Variants in SLC35F1 observed in about 807,000 individuals in gnomAD.
SLC35F1 encodes chromosome 6 open reading frame 169.
SLC35F1 carries 14 observed loss-of-function variants against 48.7 expected under a neutral mutation model. The ratio of observed to expected loss-of-function variants is 0.29; its 90% CI spans 0.19 to 0.45. The LOEUF (loss-of-function observed/expected upper bound fraction) is 0.45, where lower values mean the gene tolerates loss of function less well. Ranked by LOEUF, SLC35F1 falls within the 20% of genes least tolerant of loss-of-function variation. The probability of loss-of-function intolerance (pLI) is 1.00; values close to 1 mark genes in which losing one functional copy is unlikely to be tolerated. For missense variants in SLC35F1, 404 were observed against 500.0 expected, an observed-to-expected ratio of 0.81 and a Z score of 1.83; for synonymous variants, 190 against 202.2, an observed-to-expected ratio of 0.94 and a Z score of 0.51.
chr6:117,941,419 G>C (rs1404804791), intron 1 of SLC35F1, among the ~76,000 whole-genome samples: 1 of 152,074 alleles, frequency 6.6e-6, no homozygotes, highest in African/African-American at 2.4e-5. Flanking sequence ...AGATAGACAG[G>C]CTTACTGAAT....
chr6:117,949,182 A>G (rs1562245905), intron 1 of SLC35F1, among the ~76,000 whole-genome samples: 1 of 152,146 alleles, frequency 6.6e-6, no homozygotes, highest in Non-Finnish European at 1.5e-5. Context: ...ATACTCTGGG[A>G]TGTTCCTTAA....
At position 118,207,646 on chromosome 6, in the gene SLC35F1, T is replaced by C. The variant is rs1774952950; in HGVS notation, c.350-27863T>C. On this transcript the variant is annotated intron_variant, in intron 2 of 7. Coordinates refer to ENST00000360388, the MANE Select transcript of SLC35F1 (RefSeq NM_001029858.4). ...AAGAGGGAGGAAAGTTGAAGGACAATGTCAGCAGACCTTCCCAGGGACCTA... is the reference window on the plus strand; with the variant it reads ...AAGAGGGAGGAAAGTTGAAGGACAACGTCAGCAGACCTTCCCAGGGACCTA... Among the ~76,000 whole-genome samples the C allele has an allele frequency of 4.6e-5, 7 of 152,258 alleles. No individual in the cohort carries two copies. In the South Asian group the frequency reaches 1.4e-3, roughly 32 times the overall value.
chr6:117,961,349 CT>C (rs1776495989), intron 1 of SLC35F1, among the ~76,000 whole-genome samples: 1 of 152,216 alleles, frequency 6.6e-6, no homozygotes, highest in African/African-American at 2.4e-5. Context: ...ACCAAGACCC[CT>C]GGTCATCTCT....
intron 1 of SLC35F1, among the ~76,000 whole-genome samples, chr6:117,975,440 G>T (rs1451728861): frequency 6.6e-6 from 1 of 152,166 alleles, no homozygotes; most frequent in East Asian, 1.9e-4. Flanking sequence ...GAAAAGTCTG[G>T]CAGTGTTGTT....
Position 117,923,651 on chromosome 6 carries a change from G to GTATATA in SLC35F1, c.173+15754_173+15755insTATATA, listed in dbSNP as rs1554216680. 4.0e-4 allele frequency among the ~76,000 whole-genome samples: 7 copies of GTATATA among 17,502 alleles called. 2 individuals carry two copies. Among genetic ancestry groups the GTATATA allele is most frequent in the East Asian group, 4.4e-3 (2 of 456 alleles). 11.5% of individuals were successfully genotyped at this position (17,502 alleles called of 152,430 possible). A position where few individuals can be genotyped will look rare whatever the true frequency, so the allele number is the denominator to read the frequency against. ...TACATATATGTACATATGTACATATGTACATATGTATATATACATATATGT... is the reference window on the plus strand; with the variant it reads ...TACATATATGTACATATGTACATATGTATATATACATATGTATATATACATATATGT... On this transcript the variant is annotated intron_variant, in intron 1 of 7. Coordinates refer to ENST00000360388, the MANE Select transcript of SLC35F1 (RefSeq NM_001029858.4).
chr6:118,309,204 CGT>C (rs925547743), intron 7 of SLC35F1, among the ~76,000 whole-genome samples: 3 of 106,038 alleles, frequency 2.8e-5, no homozygotes, highest in African/African-American at 1.1e-4. Flanking sequence ...TGTGTGTGTG[CGT>C]GTGTGTATTT....
chr6:118,167,230 A>C lies in SLC35F1; in HGVS notation c.349+12610A>C, dbSNP rs11757328. ...GAGTAAAGAGTCCCTGTAACTGCGCAAGAGTACAAATCTGAGTGCCACCCT... is the reference window on the plus strand; with the variant it reads ...GAGTAAAGAGTCCCTGTAACTGCGCCAGAGTACAAATCTGAGTGCCACCCT... On this transcript the variant is annotated intron_variant, in intron 2 of 7. Transcript: ENST00000360388. Among the ~76,000 whole-genome samples the C allele has an allele frequency of 2.9e-3, 449 of 152,258 alleles. 4 individuals carry two copies. Among genetic ancestry groups the C allele is most frequent in the Middle Eastern group, 0.017 (5 of 294 alleles).
rs553500079 is a variant in SLC35F1, at chr6:117,959,005, G to C, written c.173+51106G>C. Among the ~76,000 whole-genome samples the C allele has an allele frequency of 1.1e-4, 16 of 152,298 alleles. No homozygotes were observed. In the South Asian group the frequency reaches 3.3e-3, roughly 32 times the overall value. On this transcript the variant is annotated intron_variant, in intron 1 of 7. Transcript: ENST00000360388. Reference sequence around the variant, plus strand: ...TTGGAGAGATAGTTTAGTGAACTAAGAGCATGGACTTCAGAGGCAGGCTGG... The same window carrying C: ...TTGGAGAGATAGTTTAGTGAACTAACAGCATGGACTTCAGAGGCAGGCTGG...
intron 2 of SLC35F1, among the ~76,000 whole-genome samples, chr6:118,222,760 C>T (rs1456873946): frequency 6.6e-6 from 1 of 152,102 alleles, no homozygotes; most frequent in Non-Finnish European, 1.5e-5. Context: ...AAACATATTT[C>T]TTGCATCTTA....
rs188127152 is a variant in SLC35F1, at chr6:118,120,243, T to A, written c.174-34202T>A. ...AGAGAGTTAGCTGAGACTAGGCTAA[T>A]GCAGTCTGAGCTATCTGGATAATTC... On this transcript the variant is annotated intron_variant, in intron 1 of 7. Coordinates refer to ENST00000360388, the MANE Select transcript of SLC35F1 (RefSeq NM_001029858.4). Among the ~76,000 whole-genome samples, 3 of 152,294 alleles carry A rather than the reference T, an allele frequency of 2.0e-5. No individual in the cohort carries two copies. In the East Asian group the frequency reaches 5.8e-4, roughly 29 times the overall value.
chr6:118,164,892 C>A (rs945398392), intron 2 of SLC35F1, among the ~76,000 whole-genome samples: 1 of 152,128 alleles, frequency 6.6e-6, no homozygotes, highest in Non-Finnish European at 1.5e-5. Context: ...ACTTCAGTGG[C>A]CACTGTGAGA....
At chr6:118,064,801 TTC>T (rs1361211940) in intron 1 of SLC35F1, among the ~76,000 whole-genome samples, 1 of 152,152 alleles carries the variant, frequency 6.6e-6, no homozygotes, top group African/African-American at 2.4e-5. Flanking sequence ...GTCATGCCTT[TTC>T]TCTCTCTCTG....
intron 1 of SLC35F1, among the ~76,000 whole-genome samples, chr6:117,953,933 C>A (rs1222473561): frequency 6.6e-6 from 1 of 152,164 alleles, no homozygotes; most frequent in Non-Finnish European, 1.5e-5. Context: ...AGTTACCACC[C>A]AGGGCATGTG....
chr6:118,314,331 A>T lies in SLC35F1; in HGVS notation c.*79A>T. ...TCATCTCTGTATTGTACATAGAGAA[A>T]GGTATTTACTAGGTGCAGTTTACAC... On this transcript the variant is annotated 3_prime_UTR_variant, in exon 8 of 8. Transcript: ENST00000360388. The T allele has an allele frequency of 1.5e-6, 2 of 1,293,062 alleles. No homozygotes were observed. Among genetic ancestry groups the T allele is most frequent in the Non-Finnish European group, 1.1e-6 (1 of 907,054 alleles). The allele number at this position is 1,293,062 out of a possible 1,614,324, so 80.1% of individuals were successfully genotyped here.
intron 1 of SLC35F1, among the ~76,000 whole-genome samples, chr6:118,047,921 G>A (rs1241876324): frequency 6.6e-6 from 1 of 152,116 alleles, no homozygotes; most frequent in Non-Finnish European, 1.5e-5. Context: ...ACACTATGTT[G>A]AATAGGAGTG....
chr6:118,313,631 C>G (rs1582784365), intron 7 of SLC35F1, among the ~76,000 whole-genome samples: 1 of 152,148 alleles, frequency 6.6e-6, no homozygotes, highest in South Asian at 2.1e-4. Flanking sequence ...TTCATTACAA[C>G]CCTAAAGGGG....
At chr6:118,159,910 A>G (rs1247971677) in intron 2 of SLC35F1, among the ~76,000 whole-genome samples, 1 of 152,184 alleles carries the variant, frequency 6.6e-6, no homozygotes, top group African/African-American at 2.4e-5. Flanking sequence ...GAGTGTATAT[A>G]AATCATAAAA....
At position 118,048,015 on chromosome 6, in the gene SLC35F1, G is replaced by C. The variant is rs527991204; in HGVS notation, c.174-106430G>C. 1.1e-4 allele frequency among the ~76,000 whole-genome samples: 17 copies of C among 152,108 alleles called. No individual in the cohort carries two copies. In the East Asian group the frequency reaches 3.3e-3, roughly 29 times the overall value. ...CCCATTCAGTATGATATTGGCTGTG[G>C]GTTTGTCATAGATAGCTCTCATTAT... On this transcript the variant is annotated intron_variant, in intron 1 of 7. Transcript: ENST00000360388.
chr6:118,219,173 A>G (rs1475072473), intron 2 of SLC35F1, among the ~76,000 whole-genome samples: 3 of 152,220 alleles, frequency 2.0e-5, no homozygotes, highest in African/African-American at 7.2e-5. Flanking sequence ...TGTCCCCAAT[A>G]GAACATGTAA....
Sources: gnomAD v4.1 joint callset for allele counts (sites outside exome capture counted in the v4.1 genomes callset) on GRCh38, gnomAD v4.1.1 for gene constraint, MANE v1.5 for transcripts, NCBI Gene and HGNC (gene_info 2026-07-23, HGNC 2026-07-21) for gene names.